The following CDH20 variants were observed in gnomAD, a reference collection of about 807,000 sequenced individuals.
CDH20 encodes the protein cadherin 20, also known as cadherin-20.
CDH20 carries 29 observed loss-of-function variants against 74.2 expected under a neutral mutation model. The observed-to-expected ratio is 0.39, with a 90% confidence interval of 0.29 to 0.53. The LOEUF is 0.53. Among genes scored for constraint, CDH20 ranks in the 20% least tolerant of loss-of-function variants. The pLI is 0.69. For synonymous variants in CDH20, 469 were observed against 405.4 expected, an observed-to-expected ratio of 1.16 and a Z score of -1.88; for missense variants, 988 against 1,048.3, an observed-to-expected ratio of 0.94 and a Z score of 0.79.
At chr18:61,441,872 T>C (rs1177071827) in intron 1 of CDH20, among the ~76,000 whole-genome samples, 1 of 152,136 alleles carries the variant, frequency 6.6e-6, no homozygotes, top group Non-Finnish European at 1.5e-5. Context: ...CCTCCCTGTG[T>C]TATGAAACTT....
chr18:61,505,335 C>CT (rs35833642), intron 5 of CDH20, among the ~76,000 whole-genome samples: 7,550 of 117,378 alleles, frequency 0.064, 294 homozygotes, highest in Middle Eastern at 0.11. Context: ...AAACCAATAT[C>CT]TTTTTTTTTT....
intron 1 of CDH20, among the ~76,000 whole-genome samples, chr18:61,422,204 T>C (rs1305999809): frequency 1.3e-5 from 2 of 152,138 alleles, no homozygotes; most frequent in Non-Finnish European, 1.5e-5. Context: ...TAATTAAACA[T>C]ATATTTCATT....
At position 61,378,632 on chromosome 18, in the gene CDH20, G is replaced by A. The variant is rs565355337; in HGVS notation, c.-153+44805G>A. 4.6e-5 allele frequency among the ~76,000 whole-genome samples: 7 copies of A among 152,178 alleles called. No individual in the cohort carries two copies. In the East Asian group the frequency reaches 9.6e-4, roughly 21 times the overall value. On this transcript the variant is annotated intron_variant, in intron 1 of 11. Coordinates refer to ENST00000262717, the MANE Select transcript of CDH20 (RefSeq NM_031891.4). Reference sequence around the variant, plus strand: ...ATGAAGACATCCAGAATAATGTTTGGCCAAATGTTTGGCATGCCACAGCCC... The same window carrying A: ...ATGAAGACATCCAGAATAATGTTTGACCAAATGTTTGGCATGCCACAGCCC...
At chr18:61,348,284 C>G (rs10513877) in intron 1 of CDH20, among the ~76,000 whole-genome samples, 11,473 of 152,202 alleles carry the variant, frequency 0.075, 610 homozygotes, top group Middle Eastern at 0.14. Flanking sequence ...TGATCCTTTT[C>G]CCAAAAGATG....
At chr18:61,380,797 G>A (rs1456448184) in intron 1 of CDH20, among the ~76,000 whole-genome samples, 3 of 151,664 alleles carry the variant, frequency 2.0e-5, no homozygotes, top group East Asian at 1.9e-4. Context: ...CAACAAGAGC[G>A]ACACTCCATC....
At chr18:61,397,867 A>C (rs949562972) in intron 1 of CDH20, among the ~76,000 whole-genome samples, 10 of 152,176 alleles carry the variant, frequency 6.6e-5, no homozygotes, top group African/African-American at 2.4e-4. Context: ...AAGTACTATA[A>C]AGTGTTTATT....
intron 5 of CDH20, among the ~76,000 whole-genome samples, chr18:61,505,335 C>CTTTT (rs35833642): frequency 2.6e-5 from 3 of 117,418 alleles, no homozygotes; most frequent in African/African-American, 9.8e-5. Context: ...AAACCAATAT[C>CTTTT]TTTTTTTTTT....
At chr18:61,462,027 T>G (rs749248785) in intron 1 of CDH20, among the ~76,000 whole-genome samples, 1 of 152,132 alleles carries the variant, frequency 6.6e-6, no homozygotes, top group Non-Finnish European at 1.5e-5. Flanking sequence ...TTGGTTTGCA[T>G]AGGAGTACCA....
At chr18:61,406,352 C>T (rs1222657077) in intron 1 of CDH20, among the ~76,000 whole-genome samples, 1 of 152,192 alleles carries the variant, frequency 6.6e-6, no homozygotes, top group Admixed American at 6.5e-5. Flanking sequence ...ACCTGCTTAT[C>T]AGTCTCATCT....
intron 2 of CDH20, 39 bp from the exon 3 acceptor site, chr18:61,499,147 T>G: frequency 6.8e-7 from 1 of 1,462,792 alleles, no homozygotes. Context: ...TGACACCTGT[T>G]GACATTCATG....
rs544928000 is a variant in CDH20, at chr18:61,447,663, C to A, written c.-152-42739C>A. ...GGGTGAGTAAAGTCTATGATTTATG[C>A]GGTAAGCAGACATTTATTCATTGTA... On this transcript the variant is annotated intron_variant, in intron 1 of 11. Coordinates refer to ENST00000262717, the MANE Select transcript of CDH20 (RefSeq NM_031891.4). Among the ~76,000 whole-genome samples the A allele has an allele frequency of 5.3e-5, 8 of 152,284 alleles. No homozygotes were observed. The East Asian group carries it at 1.5e-3, about 29-fold the overall frequency.
chr18:61,520,403 T>C (rs1190778839), intron 6 of CDH20, among the ~76,000 whole-genome samples: 1 of 149,656 alleles, frequency 6.7e-6, no homozygotes, highest in Non-Finnish European at 1.5e-5. Context: ...CCTAAATATA[T>C]ATGCACCCAA....
At chr18:61,382,290 T>C (rs1252373590) in intron 1 of CDH20, among the ~76,000 whole-genome samples, 1 of 152,190 alleles carries the variant, frequency 6.6e-6, no homozygotes, top group Non-Finnish European at 1.5e-5. Context: ...GTGATTAGGC[T>C]AACAATAAGA....
chr18:61,553,672 G>A (rs1164871142), intron 11 of CDH20, among the ~76,000 whole-genome samples: 1 of 152,188 alleles, frequency 6.6e-6, no homozygotes, highest in Non-Finnish European at 1.5e-5. Context: ...CTTAGTATGT[G>A]TGTCTCTATG....
chr18:61,442,855 C>T (rs1302607042), intron 1 of CDH20, among the ~76,000 whole-genome samples: 2 of 152,086 alleles, frequency 1.3e-5, no homozygotes, highest in East Asian at 1.9e-4. Context: ...CAGATCTGGC[C>T]TTCTGAGGCC....
chr18:61,496,561 C>T (rs575407172), intron 2 of CDH20, among the ~76,000 whole-genome samples: 1 of 152,292 alleles, frequency 6.6e-6, no homozygotes, highest in South Asian at 2.1e-4. Flanking sequence ...AGGGCACCAG[C>T]CAGCTCCCAG....
intron 1 of CDH20, among the ~76,000 whole-genome samples, chr18:61,358,568 G>GC (rs1910578747): frequency 1.3e-5 from 2 of 152,166 alleles, no homozygotes; most frequent in Non-Finnish European, 2.9e-5. Flanking sequence ...CTGGAAGAGA[G>GC]CCAAGCATAG....
chr18:61,430,291 C>A (rs920935778), intron 1 of CDH20, among the ~76,000 whole-genome samples: 1 of 151,942 alleles, frequency 6.6e-6, no homozygotes, highest in African/African-American at 2.4e-5. Flanking sequence ...TACATAGGGT[C>A]CTCAGTAACT....
intron 1 of CDH20, among the ~76,000 whole-genome samples, chr18:61,346,953 C>T (rs1910132150): frequency 6.6e-6 from 1 of 151,970 alleles, no homozygotes; most frequent in South Asian, 2.1e-4. Context: ...CATGCTGTAC[C>T]CACCTGGCCA....
Sources: allele counts gnomAD v4.1 joint callset (sites outside exome capture counted in the v4.1 genomes callset), GRCh38; gene constraint gnomAD v4.1.1; transcripts MANE v1.5; gene names NCBI Gene and HGNC (gene_info 2026-07-23, HGNC 2026-07-21).